EML1: variants seen among roughly 807,000 people sequenced by gnomAD.
The protein encoded by EML1 is EMAP like 1.
EML1 carries 27 observed loss-of-function variants against 110.4 expected under a neutral mutation model. That is an observed-to-expected ratio of 0.24 (90% CI 0.18 to 0.34). The LOEUF (loss-of-function observed/expected upper bound fraction) is 0.34, where lower values mean the gene tolerates loss of function less well. Ranked by LOEUF, EML1 falls within the 10% of genes least tolerant of loss-of-function variation. The probability of loss-of-function intolerance (pLI) is 1.00; values close to 1 mark genes in which losing one functional copy is unlikely to be tolerated. For synonymous variants in EML1, 344 were observed against 385.8 expected, an observed-to-expected ratio of 0.89 and a Z score of 1.27; for missense variants, 741 against 1,030.9, an observed-to-expected ratio of 0.72 and a Z score of 3.85.
upstream of EML1, chr14:99,793,375 GC>G (rs2057705151): frequency 4.0e-6 from 4 of 994,032 alleles, no homozygotes; most frequent in South Asian, 1.8e-4. Context: ...AGCAGGGCCG[GC>G]CCCAGCGCCA....
At chr14:99,925,801 A>G (rs1259015780) in intron 17 of EML1, among the ~76,000 whole-genome samples, 1 of 152,156 alleles carries the variant, frequency 6.6e-6, no homozygotes, top group African/African-American at 2.4e-5. Flanking sequence ...TCCTGCCTCC[A>G]CTGTGCATGC....
At chr14:99,891,292 AAAG>A in intron 5 of EML1, 65 bp downstream of exon 5, 2 of 1,605,676 alleles carry the variant, frequency 1.2e-6, no homozygotes, top group Non-Finnish European at 1.7e-6. Flanking sequence ...AAGGGACAGA[AAAG>A]AAGTAGCCAG....
intron 6 of EML1, 52 bp downstream of exon 6, chr14:99,894,810 G>A (rs1222788984): frequency 6.5e-7 from 1 of 1,549,594 alleles, no homozygotes. Context: ...GTCAATCAAT[G>A]CTTGATGTTA....
intron 1 of EML1, among the ~76,000 whole-genome samples, chr14:99,808,460 GTGGCAAAGCCTCC>G: frequency 6.6e-6 from 1 of 152,308 alleles, no homozygotes; most frequent in South Asian, 2.1e-4. Flanking sequence ...ACAGTCATAG[GTGGCAAAGCCTCC>G]TAATTACTGT....
intron 20 of EML1, among the ~76,000 whole-genome samples, 162 bp downstream of exon 20, chr14:99,938,074 C>T (rs370746509): frequency 6.6e-6 from 1 of 152,108 alleles, no homozygotes; most frequent in Admixed American, 6.5e-5. Flanking sequence ...GGGGTAGGGC[C>T]TGGGCTTGCC....
chr14:99,753,175 A>AC (rs1167192204), intron 1 of EML1, among the ~76,000 whole-genome samples: 1 of 46,316 alleles, frequency 2.2e-5, no homozygotes, highest in African/African-American at 7.9e-5. Flanking sequence ...CGCAGCCCCC[A>AC]CCCCCCTACC....
chr14:99,783,286 C>G (rs1276263540), intron 1 of EML1, among the ~76,000 whole-genome samples: 1 of 151,684 alleles, frequency 6.6e-6, no homozygotes, highest in Non-Finnish European at 1.5e-5. Flanking sequence ...ATGATGGTTT[C>G]CAGCTTCATC....
At chr14:99,937,546 C>T (rs2060497383) in intron 19 of EML1, among the ~76,000 whole-genome samples, 1 of 152,086 alleles carries the variant, frequency 6.6e-6, no homozygotes. Flanking sequence ...GAACCAGAGG[C>T]TAGAGAAGCC....
chr14:99,839,568 A>G (rs568146905), intron 1 of EML1, among the ~76,000 whole-genome samples: 1 of 152,324 alleles, frequency 6.6e-6, no homozygotes, highest in Non-Finnish European at 1.5e-5. Context: ...TCTCATCTCC[A>G]TCACCACCAT....
chr14:99,749,107 C>T (rs576238233), intron 1 of EML1, among the ~76,000 whole-genome samples: 14 of 152,182 alleles, frequency 9.2e-5, no homozygotes, highest in South Asian at 2.1e-4. Context: ...TGATGAGTAA[C>T]GCTGCTATGA....
chr14:99,763,609 C>G (rs1292029189), intron 1 of EML1, among the ~76,000 whole-genome samples: 1 of 152,212 alleles, frequency 6.6e-6, no homozygotes, highest in Non-Finnish European at 1.5e-5. Context: ...ACTGCGGAAG[C>G]ATGAGGAGCA....
At chr14:99,836,252 G>A (rs1039418474) in intron 1 of EML1, among the ~76,000 whole-genome samples, 3 of 151,954 alleles carry the variant, frequency 2.0e-5, no homozygotes, top group Non-Finnish European at 2.9e-5. Flanking sequence ...AAATATTTTG[G>A]TAGATGTATA....
chr14:99,809,022 A>T (rs1025192374), intron 1 of EML1, among the ~76,000 whole-genome samples: 3 of 152,172 alleles, frequency 2.0e-5, no homozygotes, highest in African/African-American at 4.8e-5. Context: ...AGGTCTCCCG[A>T]AAAAAACCCC....
chr14:99,779,025 G>T (rs1279041799), intron 1 of EML1, among the ~76,000 whole-genome samples: 1 of 152,162 alleles, frequency 6.6e-6, no homozygotes, highest in African/African-American at 2.4e-5. Context: ...CCTCCAATGT[G>T]CTGGGCACTC....
chr14:99,769,996 G>A (rs1033508102), upstream of EML1, among the ~76,000 whole-genome samples: 21 of 152,042 alleles, frequency 1.4e-4, no homozygotes, highest in Non-Finnish European at 2.9e-4. Flanking sequence ...CAGCACAAAC[G>A]TTCCCGCCTC....
At chr14:99,893,726 A>C (rs1300552738) in intron 5 of EML1, among the ~76,000 whole-genome samples, 1 of 152,224 alleles carries the variant, frequency 6.6e-6, no homozygotes, top group Non-Finnish European at 1.5e-5. Flanking sequence ...CCAACTGCCC[A>C]GTTTAAATAC....
intron 1 of EML1, among the ~76,000 whole-genome samples, chr14:99,759,051 G>C (rs2057287093): frequency 6.6e-6 from 1 of 152,352 alleles, no homozygotes; most frequent in East Asian, 1.9e-4. Flanking sequence ...CAGTTGAAAA[G>C]CTGCTGCCCA....
intron 16 of EML1, among the ~76,000 whole-genome samples, chr14:99,919,309 G>A (rs1030904701): frequency 2.0e-5 from 3 of 151,734 alleles, no homozygotes; most frequent in African/African-American, 7.3e-5. Context: ...GATAAAGAAA[G>A]TGTAGCCCTT....
At chr14:99,763,290 C>T (rs1448738217) in intron 1 of EML1, among the ~76,000 whole-genome samples, 2 of 152,200 alleles carry the variant, frequency 1.3e-5, no homozygotes, top group Non-Finnish European at 2.9e-5. Flanking sequence ...TACAGTGTGT[C>T]TGATGTATGT....
Sources: gnomAD v4.1 joint callset for allele counts (sites outside exome capture counted in the v4.1 genomes callset) on GRCh38, gnomAD v4.1.1 for gene constraint, MANE v1.5 for transcripts, NCBI Gene and HGNC (gene_info 2026-07-23, HGNC 2026-07-21) for gene names.